Variants in PLEKHA7 observed in about 807,000 individuals in gnomAD.
PLEKHA7 encodes pleckstrin homology domain containing A7.
In PLEKHA7, 104 loss-of-function variants were observed where a neutral mutation model predicts 170.0. The ratio of observed to expected loss-of-function variants is 0.61; its 90% CI spans 0.52 to 0.72. The LOEUF (loss-of-function observed/expected upper bound fraction) is 0.72, where lower values mean the gene tolerates loss of function less well. Ranked by LOEUF, PLEKHA7 falls within the 30% of genes least tolerant of loss-of-function variation. PLEKHA7 has a pLI of 0.00. For missense variants in PLEKHA7, 1,615 were observed against 1,671.7 expected, an observed-to-expected ratio of 0.97 and a Z score of 0.59; for synonymous variants, 648 against 660.8, an observed-to-expected ratio of 0.98 and a Z score of 0.30.
chr11:16,894,791 G>A (rs567262149), intron 3 of PLEKHA7, among the ~76,000 whole-genome samples: 1 of 152,274 alleles, frequency 6.6e-6, no homozygotes, highest in South Asian at 2.1e-4. Flanking sequence ...GGGGGCAGGG[G>A]AGGGGAGTAG....
chr11:16,984,793 T>C (rs2136891679), intron 3 of PLEKHA7, among the ~76,000 whole-genome samples: 1 of 152,350 alleles, frequency 6.6e-6, no homozygotes, highest in South Asian at 2.1e-4. Context: ...TTTAGAACAA[T>C]GCCTGGCTCC....
chr11:16,816,275 G>C lies in PLEKHA7; in HGVS notation c.1867-11C>G, dbSNP rs1283173316. The C allele has an allele frequency of 6.2e-7, 1 of 1,606,298 alleles. No individual in the cohort carries two copies. Among genetic ancestry groups the C allele is most frequent in the South Asian group, 1.1e-5 (1 of 90,916 alleles). On this transcript the variant is annotated splice_polypyrimidine_tract_variant and intron_variant, in intron 11 of 26. Coordinates refer to ENST00000531066, the MANE Select transcript of PLEKHA7 (RefSeq NM_001329630.2). ...CACATGAGATGAGTTCTGCAAGTGG[G>C]GAGACAAGAAGTCACACTGGAGCCC...
intron 3 of PLEKHA7, among the ~76,000 whole-genome samples, chr11:16,877,231 AG>A (rs146727622): frequency 0.11 from 16,610 of 152,164 alleles, 1,114 homozygotes; most frequent in East Asian, 0.16. Flanking sequence ...CACTGCCCCC[AG>A]GCTTGTAAAG....
Position 16,964,150 on chromosome 11 carries a change from T to C in PLEKHA7, c.221+49839A>G, listed in dbSNP as rs75606347. 3.4e-3 allele frequency among the ~76,000 whole-genome samples: 513 copies of C among 152,354 alleles called. 1 individual carries two copies. The highest frequency in any genetic ancestry group is 3.7e-3 in the Admixed American group (56 of 15,304). Reference sequence around the variant, plus strand: ...TGTTGTGGCATGTGTCAAAATTTCCTTCCTCTTCAGGGCTCAGTAATATTC... The same window carrying C: ...TGTTGTGGCATGTGTCAAAATTTCCCTCCTCTTCAGGGCTCAGTAATATTC... On this transcript the variant is annotated intron_variant, in intron 3 of 26. Transcript: ENST00000531066.
chr11:16,807,307 A>C (rs1849055733), intron 13 of PLEKHA7: 1 of 550,990 alleles, frequency 1.8e-6, no homozygotes, highest in South Asian at 8.0e-5. Context: ...AATTTGGGGA[A>C]CTGGCAAAGG....
intron 3 of PLEKHA7, among the ~76,000 whole-genome samples, chr11:16,940,571 A>T (rs1341138391): frequency 6.6e-6 from 1 of 152,150 alleles, no homozygotes; most frequent in Admixed American, 6.5e-5. Flanking sequence ...TACAGGCGTG[A>T]GCCACTGCAC....
intron 17 of PLEKHA7, among the ~76,000 whole-genome samples, chr11:16,795,858 T>TA (rs1040127008): frequency 7.1e-6 from 1 of 141,064 alleles, no homozygotes; most frequent in Non-Finnish European, 1.6e-5. Context: ...TTCCTTTTTT[T>TA]TTTTTTTTTT....
At chr11:16,806,392 C>T (rs1233057482) in intron 13 of PLEKHA7, among the ~76,000 whole-genome samples, 1 of 152,240 alleles carries the variant, frequency 6.6e-6, no homozygotes, top group African/African-American at 2.4e-5. Flanking sequence ...AAAACATCAA[C>T]TCTGGGTCCC....
At chr11:16,860,985 T>A (rs427376) in intron 4 of PLEKHA7, among the ~76,000 whole-genome samples, 110,696 of 152,056 alleles carry the variant, frequency 0.73, 43,412 homozygotes, top group Non-Finnish European at 0.88. Flanking sequence ...AAAGCACCCA[T>A]GACATACAAA....
intron 3 of PLEKHA7, among the ~76,000 whole-genome samples, chr11:16,882,873 T>C (rs544795458): frequency 0.049 from 2,361 of 48,158 alleles, 62 homozygotes; most frequent in African/African-American, 0.13. Flanking sequence ...CACACACACA[T>C]ACACACACAC....
At chr11:16,955,666 C>T (rs979548344) in intron 3 of PLEKHA7, among the ~76,000 whole-genome samples, 1 of 152,170 alleles carries the variant, frequency 6.6e-6, no homozygotes. Flanking sequence ...TTTTTCCCCT[C>T]CAGGCCATGC....
At chr11:16,839,189 A>G (rs1160601020) in intron 9 of PLEKHA7, among the ~76,000 whole-genome samples, 1 of 152,118 alleles carries the variant, frequency 6.6e-6, no homozygotes, top group African/African-American at 2.4e-5. Context: ...GGTGATTCAT[A>G]TATACTGATA....
chr11:16,964,226 A>G (rs560671644), intron 3 of PLEKHA7, among the ~76,000 whole-genome samples: 19 of 152,336 alleles, frequency 1.2e-4, no homozygotes, highest in African/African-American at 4.6e-4. Context: ...GTTGATGGAA[A>G]CTTGAGTTCT....
chr11:16,897,562 T>C (rs1376341648), intron 3 of PLEKHA7, among the ~76,000 whole-genome samples: 2 of 152,122 alleles, frequency 1.3e-5, no homozygotes, highest in Non-Finnish European at 2.9e-5. Flanking sequence ...ATGCATTAAG[T>C]ACACAAGGCT....
rs1246661497 is a variant in PLEKHA7 at position 16,789,416 on chromosome 11, G to A, written c.3157-120C>T. 4.2e-6 allele frequency: 4 copies of A among 955,820 alleles called. No individual in the cohort carries two copies. Among genetic ancestry groups the A allele is most frequent in the Non-Finnish European group, 6.4e-6 (4 of 624,276 alleles). 59.2% of individuals were successfully genotyped at this position (955,820 alleles called of 1,614,324 possible). On this transcript the variant is annotated intron_variant, in intron 22 of 26. Transcript: ENST00000531066. This position sits in a 1 kb window ranked among gnomAD's most constrained non-coding sequence, Gnocchi z 4.6. ...TCTCACACACATGCACACTCTAGTTGGGCTCCTCTTGGCCTTAGAGAACTA... is the reference window on the plus strand; with the variant it reads ...TCTCACACACATGCACACTCTAGTTAGGCTCCTCTTGGCCTTAGAGAACTA...
intron 3 of PLEKHA7, among the ~76,000 whole-genome samples, chr11:16,987,885 G>C (rs1051602159): frequency 6.6e-6 from 1 of 152,172 alleles, no homozygotes; most frequent in African/African-American, 2.4e-5. Context: ...ATTTCAGAGA[G>C]CTCTGGACAA....
intron 3 of PLEKHA7, among the ~76,000 whole-genome samples, chr11:16,933,371 A>G (rs918424335): frequency 3.9e-5 from 6 of 152,204 alleles, no homozygotes; most frequent in Admixed American, 3.9e-4. Flanking sequence ...GAGATGAGCT[A>G]AAGAGACTGC....
chr11:16,819,857 G>A (rs566350909), intron 10 of PLEKHA7, among the ~76,000 whole-genome samples: 16 of 152,278 alleles, frequency 1.1e-4, no homozygotes, highest in African/African-American at 2.6e-4. Context: ...CAGTTAGGAG[G>A]AATAAGTTCT....
At position 16,906,446 on chromosome 11, in the gene PLEKHA7, G is replaced by A. The variant is rs1437859243; in HGVS notation, c.222-35264C>T. On this transcript the variant is annotated intron_variant, in intron 3 of 26. Coordinates refer to ENST00000531066, the MANE Select transcript of PLEKHA7 (RefSeq NM_001329630.2). The stretch of plus-strand genomic sequence containing the variant: ...CCTGATTCTCCTGCCTCAGCCTGCC[G>A]AGTGCCTGCGATTGCAGGCACGCGC... Among the ~76,000 whole-genome samples the A allele has an allele frequency of 6.3e-5, 9 of 142,238 alleles. 1 individual carries two copies. Among genetic ancestry groups the A allele is most frequent in the Admixed American group, 2.1e-4 (3 of 14,406 alleles). 93.3% of individuals were successfully genotyped at this position (142,238 alleles called of 152,430 possible). A position where few individuals can be genotyped will look rare whatever the true frequency, so the allele number is the denominator to read the frequency against.
Sources: gnomAD v4.1 joint callset for allele counts (sites outside exome capture counted in the v4.1 genomes callset) on GRCh38, gnomAD v4.1.1 for gene constraint, Gnocchi (gnomAD v3.1) non-coding constraint, MANE v1.5 for transcripts, NCBI Gene and HGNC (gene_info 2026-07-23, HGNC 2026-07-21) for gene names.